TET3: variants seen among roughly 807,000 people sequenced by gnomAD.
TET3 encodes tet methylcytosine dioxygenase 3, also known as methylcytosine dioxygenase TET3.
Under a neutral mutation model 141.4 loss-of-function variants are expected in TET3, and 19 were observed. That is an observed-to-expected ratio of 0.13 (90% confidence interval 0.09 to 0.20). TET3 has a LOEUF of 0.20. Ranked by LOEUF, TET3 falls within the 10% of genes least tolerant of loss-of-function variation. The pLI is 1.00. For synonymous variants in TET3, 1,043 were observed against 980.9 expected (o/e 1.06, Z -1.18); for missense variants, 1,874 against 2,356.9 (o/e 0.80, Z 4.24).
At position 74,047,587 on chromosome 2, in the gene TET3, C is replaced by G; in HGVS notation, c.1670C>G (p.Pro557Arg). ...SFPAPSEPSA[P>R]GWWPPPSSPV... ...CCTGCTCCTTCAGAGCCTTCTGCTCCTGGCTGGTGGCCCCCACCAAGTTCA... is the reference window on the plus strand; with the variant it reads ...CCTGCTCCTTCAGAGCCTTCTGCTCGTGGCTGGTGGCCCCCACCAAGTTCA... Residue 557 changes from proline to arginine, a missense_variant, in exon 4 of 12, where the codon CCT becomes CGT. Transcript: ENST00000409262. 1 of 1,613,960 alleles carries G rather than the reference C, an allele frequency of 6.2e-7. No individual in the cohort carries two copies. The highest frequency in any genetic ancestry group is 8.5e-7 in the Non-Finnish European group (1 of 1,179,874).
At chr2:74,045,045 A>G (rs1687543899) in intron 3 of TET3, among the ~76,000 whole-genome samples, 1 of 152,244 alleles carries the variant, frequency 6.6e-6, no homozygotes, top group South Asian at 2.1e-4. Context: ...AAGAAAAACA[A>G]TACAGGTACT....
rs757541427 is a variant in TET3, at chr2:74,101,122, C to A, written c.4334C>A (p.Ser1445Tyr). Residue 1445 changes from serine (S) to tyrosine (Y), a missense_variant, in exon 12 of 12, where the codon TCC becomes TAC. By Grantham distance (144) the Ser-to-Tyr change is moderately radical. Around this residue, in one of 10 missense-constraint regions of TET3, gnomAD observed 602 missense variants for 590.2 expected, o/e 1.02. Coordinates refer to ENST00000409262, the MANE Select transcript of TET3 (RefSeq NM_001287491.2). This position sits in a 1 kb window ranked among gnomAD's most constrained non-coding sequence, Gnocchi z 8.5. ...WGQYSGGPSM[S>Y]PKRTNGVGGS... ...CAGTACTCAGGAGGCCCAAGCATGT[C>A]CCCCAAGAGGACTAACGGTGTGGGT... The A allele has an allele frequency of 1.2e-6, 2 of 1,613,628 alleles. No homozygotes were observed. The highest frequency in any genetic ancestry group is 1.7e-6 in the Non-Finnish European group (2 of 1,179,744).
intron 3 of TET3, among the ~76,000 whole-genome samples, chr2:74,025,178 T>C (rs1257619727): frequency 2.8e-5 from 4 of 143,744 alleles, no homozygotes; most frequent in Non-Finnish European, 4.5e-5. Context: ...GAGCCGAGAT[T>C]GTGCTACTGC....
In TET3 at chr2:74,093,799, C is replaced by T; in HGVS notation, c.3267+133C>T. On this transcript the variant is annotated intron_variant, in intron 10 of 11. Coordinates refer to ENST00000409262, the MANE Select transcript of TET3 (RefSeq NM_001287491.2). This position sits in a 1 kb window ranked among gnomAD's most constrained non-coding sequence, Gnocchi z 4.2. Reference sequence around the variant, plus strand: ...GGATCCTCAGAACTCTGGAAGGTTCCCTGCAAGACGGCCTGCCTTCGCCCA... The same window carrying T: ...GGATCCTCAGAACTCTGGAAGGTTCTCTGCAAGACGGCCTGCCTTCGCCCA... 1 of 1,211,372 alleles carries T rather than the reference C, an allele frequency of 8.3e-7. No homozygotes were observed. The highest frequency in any genetic ancestry group is 2.1e-5 in the South Asian group (1 of 47,800). The allele number at this position is 1,211,372 out of a possible 1,614,324, so 75.0% of individuals were successfully genotyped here. A position where few individuals can be genotyped will look rare whatever the true frequency, so the allele number is the denominator to read the frequency against.
chr2:74,084,168 A>G (rs1052054252), intron 6 of TET3, among the ~76,000 whole-genome samples: 1 of 152,216 alleles, frequency 6.6e-6, no homozygotes, highest in Non-Finnish European at 1.5e-5. Context: ...ATGGCCAGAG[A>G]TGTGTTTTGT....
chr2:74,085,086 A>G lies in TET3; in HGVS notation c.2680-2744A>G, dbSNP rs114851738. 4.3e-3 allele frequency among the ~76,000 whole-genome samples: 662 copies of G among 152,214 alleles called. 3 individuals carry two copies. The highest frequency in any genetic ancestry group is 0.015 in the African/African-American group (634 of 41,516). On this transcript the variant is annotated intron_variant, in intron 6 of 11. Transcript: ENST00000409262. ...TTGCACAGCAATATGAACATACCTAATGCCACTAAACGGTGTACTTTGAAA... is the reference window on the plus strand; with the variant it reads ...TTGCACAGCAATATGAACATACCTAGTGCCACTAAACGGTGTACTTTGAAA...
At chr2:74,013,797 G>A (rs1685593239) in intron 3 of TET3, among the ~76,000 whole-genome samples, 1 of 152,088 alleles carries the variant, frequency 6.6e-6, no homozygotes, top group South Asian at 2.1e-4. Context: ...GGGCGACAGA[G>A]CGAGACTCCA....
At chr2:74,124,361 G>A in the TET3 span, among the ~76,000 whole-genome samples, 41 of 150,562 alleles carry the variant, frequency 2.7e-4, 1 homozygote, top group South Asian at 5.0e-3. Context: ...GGTGAGGGTC[G>A]CCTCTGCCCG....
At chr2:73,989,995 C>T (rs1381722506) in intron 2 of TET3, among the ~76,000 whole-genome samples, 1 of 152,110 alleles carries the variant, frequency 6.6e-6, no homozygotes, top group Non-Finnish European at 1.5e-5. Flanking sequence ...TAATGTCTGG[C>T]ACATAGTAGG....
At chr2:74,021,419 C>T (rs1686037539) in intron 3 of TET3, among the ~76,000 whole-genome samples, 1 of 152,264 alleles carries the variant, frequency 6.6e-6, no homozygotes, top group African/African-American at 2.4e-5. Context: ...ACACTGCCAC[C>T]TCCATCCATG....
chr2:74,029,277 T>G (rs928637223), intron 3 of TET3, among the ~76,000 whole-genome samples: 1 of 152,200 alleles, frequency 6.6e-6, no homozygotes, highest in Non-Finnish European at 1.5e-5. Flanking sequence ...CATTCAGCCT[T>G]TAGTGCCAAG....
chr2:74,097,273 A>G (rs1316367266), intron 10 of TET3, among the ~76,000 whole-genome samples: 1 of 151,832 alleles, frequency 6.6e-6, no homozygotes, highest in Non-Finnish European at 1.5e-5. Flanking sequence ...ACTAACAATG[A>G]CTAATAATTC....
At chr2:74,054,525 G>A (rs549971066) in intron 4 of TET3, among the ~76,000 whole-genome samples, 1 of 152,302 alleles carries the variant, frequency 6.6e-6, no homozygotes, top group East Asian at 1.9e-4. Context: ...CATCTGGTCA[G>A]ATCTGTGAAC....
chr2:74,073,467 C>A, intron 4 of TET3, 82 bp from the exon 5 acceptor site: 1 of 1,091,152 alleles, frequency 9.2e-7, no homozygotes, highest in Non-Finnish European at 1.3e-6. Context: ...TGCCTATTAA[C>A]TTTCCTGTTG....
rs972287079 is a variant in TET3, at chr2:74,100,519, G to T, written c.3731G>T (p.Gly1244Val). 1 of 1,608,746 alleles carries T rather than the reference G, an allele frequency of 6.2e-7. No homozygotes were observed. Among genetic ancestry groups the T allele is most frequent in the Non-Finnish European group, 8.5e-7 (1 of 1,177,618 alleles). The change falls in exon 12 of 12, where the codon GGC becomes GTC. Residue 1244 changes from glycine to valine, a missense_variant. Transcript: ENST00000409262. Reference sequence around the variant, plus strand: ...GTGGTGGAGAGCTACTCGGTGCTGGGCAACTGCCGGCCCTCCGACCCTTAC... The same window carrying T: ...GTGGTGGAGAGCTACTCGGTGCTGGTCAACTGCCGGCCCTCCGACCCTTAC... Reference protein sequence around the residue: ...NAVVESYSVLGNCRPSDPYSM... With the variant: ...NAVVESYSVLVNCRPSDPYSM...
chr2:74,017,011 C>T (rs1166751671), intron 3 of TET3, among the ~76,000 whole-genome samples: 1 of 152,012 alleles, frequency 6.6e-6, no homozygotes, highest in Non-Finnish European at 1.5e-5. Context: ...ATAAACCAAG[C>T]ACAGTGGCAC....
chr2:74,039,394 G>A (rs989227095), intron 3 of TET3, among the ~76,000 whole-genome samples: 11 of 152,264 alleles, frequency 7.2e-5, no homozygotes, highest in African/African-American at 2.6e-4. Context: ...TATATACTGA[G>A]CCACCACAGG....
At chr2:74,128,018 T>C in the TET3 span, among the ~76,000 whole-genome samples, 780 of 152,346 alleles carry the variant, frequency 5.1e-3, 3 homozygotes, top group African/African-American at 0.018. Flanking sequence ...GGAAAAGTTA[T>C]AAAGTTTTAG....
chr2:74,061,493 C>CGGGGCGGCTGGCTGGGCAGA, intron 4 of TET3, among the ~76,000 whole-genome samples: 1 of 144,102 alleles, frequency 6.9e-6, no homozygotes, highest in East Asian at 2.2e-4. Context: ...CCTTCCCGGA[C>CGGGGCGGCTGGCTGGGCAGA]GGGGCGGCTG....
Sources: allele counts gnomAD v4.1 joint callset (sites outside exome capture counted in the v4.1 genomes callset), GRCh38; gene constraint gnomAD v4.1.1; regional missense constraint gnomAD v4.1.1; non-coding constraint Gnocchi (gnomAD v3.1); transcripts MANE v1.5; gene names NCBI Gene and HGNC (gene_info 2026-07-23, HGNC 2026-07-21).